BMAL1: variants seen among roughly 807,000 people sequenced by gnomAD.
The protein encoded by BMAL1 is basic helix-loop-helix ARNT-like protein 1.
the BMAL1 span, among the ~76,000 whole-genome samples, chr11:13,318,157 A>G: frequency 6.6e-6 from 1 of 152,176 alleles, no homozygotes; most frequent in African/African-American, 2.4e-5. Flanking sequence ...TGGCCCCTGT[A>G]GGAATAGAGT....
chr11:13,367,890 T>G, the BMAL1 span, among the ~76,000 whole-genome samples: 1 of 152,158 alleles, frequency 6.6e-6, no homozygotes, highest in Non-Finnish European at 1.5e-5. Flanking sequence ...TGTTAATGTA[T>G]ATAAAGCAGG....
chr11:13,293,022 C>A, the BMAL1 span, among the ~76,000 whole-genome samples: 1 of 152,182 alleles, frequency 6.6e-6, no homozygotes, highest in Non-Finnish European at 1.5e-5. Context: ...ATGAGGAAAG[C>A]TAGCGGTCTG....
chr11:13,355,434 G>C, the BMAL1 span: 3 of 855,950 alleles, frequency 3.5e-6, no homozygotes, highest in Non-Finnish European at 5.8e-6. Flanking sequence ...CCTTTGTCTT[G>C]AGCAAGCGCT....
chr11:13,333,830 A>G, the BMAL1 span, among the ~76,000 whole-genome samples: 1 of 152,350 alleles, frequency 6.6e-6, no homozygotes, highest in East Asian at 1.9e-4. Context: ...ACACAGAACA[A>G]AGGTCGGTAG....
At chr11:13,372,206 G>A in the BMAL1 span, 4 of 1,614,026 alleles carry the variant, frequency 2.5e-6, no homozygotes, top group Non-Finnish European at 3.4e-6. Context: ...CAGGCTATTT[G>A]AAAAGCTGGC....
the BMAL1 span, among the ~76,000 whole-genome samples, chr11:13,382,636 T>C: frequency 6.6e-6 from 1 of 152,230 alleles, no homozygotes; most frequent in East Asian, 2.0e-4. Context: ...TCTCTGCTTC[T>C]TAAGTTAACT....
the BMAL1 span, among the ~76,000 whole-genome samples, chr11:13,284,192 ATG>A: frequency 4.4e-3 from 265 of 59,588 alleles, 32 homozygotes; most frequent in Middle Eastern, 0.036. Flanking sequence ...ATATATATAT[ATG>A]TGTGTATATA....
the BMAL1 span, among the ~76,000 whole-genome samples, chr11:13,313,126 C>T: frequency 5.9e-5 from 9 of 152,306 alleles, no homozygotes; most frequent in East Asian, 1.4e-3. Flanking sequence ...TTGCCAATGC[C>T]CAGCTGACTG....
the BMAL1 span, among the ~76,000 whole-genome samples, chr11:13,383,732 T>A: frequency 1.3e-5 from 2 of 151,996 alleles, no homozygotes; most frequent in Non-Finnish European, 2.9e-5. Context: ...GTACCTGTAA[T>A]CCCAGCTACT....
the BMAL1 span, among the ~76,000 whole-genome samples, chr11:13,308,475 A>T: frequency 6.6e-6 from 1 of 152,126 alleles, no homozygotes; most frequent in Non-Finnish European, 1.5e-5. Context: ...AAGAGATGAA[A>T]ACAAGGACTG....
the BMAL1 span, chr11:13,378,685 A>G: frequency 1.2e-5 from 6 of 485,626 alleles, no homozygotes; most frequent in Non-Finnish European, 2.1e-5. Context: ...CCAAAATGTT[A>G]GTAGTGCCTA....
the BMAL1 span, among the ~76,000 whole-genome samples, chr11:13,299,457 C>G: frequency 6.6e-6 from 1 of 152,084 alleles, no homozygotes; most frequent in East Asian, 1.9e-4. Context: ...CTGCCCCTGC[C>G]ATACCTGGGG....
At chr11:13,309,332 G>A in the BMAL1 span, among the ~76,000 whole-genome samples, 1 of 152,150 alleles carries the variant, frequency 6.6e-6, no homozygotes, top group East Asian at 1.9e-4. Context: ...CTGCAGCCGG[G>A]CCAGTTGGTG....
At chr11:13,377,932 G>C in the BMAL1 span, among the ~76,000 whole-genome samples, 1 of 152,216 alleles carries the variant, frequency 6.6e-6, no homozygotes, top group Non-Finnish European at 1.5e-5. Context: ...CCCCAGATGA[G>C]TTGGTTGCCT....
chr11:13,369,892 GACA>G, the BMAL1 span: 7 of 1,240,062 alleles, frequency 5.6e-6, no homozygotes, highest in Non-Finnish European at 7.8e-6. Context: ...CAGGACTGCA[GACA>G]GGACCCTGCA....
the BMAL1 span, among the ~76,000 whole-genome samples, chr11:13,367,590 A>G: frequency 1.6e-4 from 24 of 151,710 alleles, no homozygotes; most frequent in South Asian, 5.0e-3. Flanking sequence ...AATCCAAGCT[A>G]CTTGGGAGGC....
the BMAL1 span, among the ~76,000 whole-genome samples, chr11:13,329,416 C>T: frequency 1.3e-5 from 2 of 152,198 alleles, no homozygotes. Context: ...GGGCAGGAGC[C>T]ATGTCACAGG....
At chr11:13,284,154 A>G in the BMAL1 span, among the ~76,000 whole-genome samples, 1 of 61,790 alleles carries the variant, frequency 1.6e-5, no homozygotes, top group Non-Finnish European at 3.1e-5. Context: ...GTGTATATAT[A>G]TATATGTGTG....
At chr11:13,384,441 G>A in the BMAL1 span, among the ~76,000 whole-genome samples, 2 of 152,164 alleles carry the variant, frequency 1.3e-5, no homozygotes, top group Admixed American at 1.3e-4. Flanking sequence ...TAAGTGCCAA[G>A]ATATAAAGAG....
Sources: allele counts gnomAD v4.1 joint callset (sites outside exome capture counted in the v4.1 genomes callset), GRCh38; gene constraint gnomAD v4.1.1; transcripts MANE v1.5; gene names NCBI Gene and HGNC (gene_info 2026-07-23, HGNC 2026-07-21).